MCTP2: variants seen among roughly 807,000 people sequenced by gnomAD.
The protein encoded by MCTP2 is multiple C2 and transmembrane domain-containing protein 2.
In MCTP2, 132 loss-of-function variants were observed where a neutral mutation model predicts 111.6. The ratio of observed to expected loss-of-function variants is 1.18; its 90% CI spans 1.03 to 1.37. The LOEUF is 1.37. Ranked by LOEUF, MCTP2 falls within the 40% of genes most tolerant of loss-of-function variation. MCTP2 has a pLI of 0.00. For synonymous variants in MCTP2, 395 were observed against 387.7 expected, an observed-to-expected ratio of 1.02 and a Z score of -0.22; for missense variants, 1,183 against 1,067.9, an observed-to-expected ratio of 1.11 and a Z score of -1.50.
At chr15:94,244,636 A>G (rs552174318) in intron 1 of MCTP2, among the ~76,000 whole-genome samples, 32 of 146,338 alleles carry the variant, frequency 2.2e-4, no homozygotes, top group Middle Eastern at 7.2e-3. Context: ...ATATGCACCT[A>G]TGTTTATAAA....
chr15:94,434,117 G>A (rs897229522), intron 17 of MCTP2, among the ~76,000 whole-genome samples: 3 of 150,992 alleles, frequency 2.0e-5, no homozygotes, highest in Admixed American at 6.6e-5. Flanking sequence ...TTTTTGTGGT[G>A]GGGGGTTGCT....
chr15:94,244,423 TAC>T (rs2071557908), intron 1 of MCTP2, among the ~76,000 whole-genome samples: 1 of 149,616 alleles, frequency 6.7e-6, no homozygotes, highest in African/African-American at 2.4e-5. Flanking sequence ...TGTATACACA[TAC>T]ATATGCACCT....
intron 17 of MCTP2, among the ~76,000 whole-genome samples, chr15:94,439,789 A>G (rs770660017): frequency 6.6e-6 from 1 of 152,228 alleles, no homozygotes; most frequent in African/African-American, 2.4e-5. Context: ...GGATTTTTCA[A>G]TATTGGCAGC....
intron 10 of MCTP2, among the ~76,000 whole-genome samples, chr15:94,363,724 C>G (rs1037952200): frequency 1.3e-5 from 2 of 151,924 alleles, no homozygotes; most frequent in Non-Finnish European, 2.9e-5. Flanking sequence ...TGCAGTGGAG[C>G]TCCTATTGAT....
At chr15:94,261,775 C>T (rs2073197750) in intron 1 of MCTP2, among the ~76,000 whole-genome samples, 1 of 151,588 alleles carries the variant, frequency 6.6e-6, no homozygotes, top group Admixed American at 6.6e-5. Flanking sequence ...ATTAAGCTAT[C>T]CAAAACCCCT....
At chr15:94,275,456 AAAAATT>A (rs1411771857) in intron 1 of MCTP2, among the ~76,000 whole-genome samples, 1 of 152,208 alleles carries the variant, frequency 6.6e-6, no homozygotes, top group East Asian at 1.9e-4. Context: ...AGTAATAAAG[AAAAATT>A]AAAAATGTCT....
intron 20 of MCTP2, among the ~76,000 whole-genome samples, chr15:94,465,991 T>G (rs950241266): frequency 2.0e-5 from 3 of 152,184 alleles, no homozygotes; most frequent in Admixed American, 2.0e-4. Flanking sequence ...AATACTTTCT[T>G]TGGAAAATCT....
chr15:94,443,255 G>T (rs764194124), intron 19 of MCTP2, among the ~76,000 whole-genome samples: 6 of 152,096 alleles, frequency 3.9e-5, no homozygotes, highest in Non-Finnish European at 8.8e-5. Context: ...ATAGATAAAA[G>T]GTAGCCTGGG....
intron 17 of MCTP2, chr15:94,402,516 A>G: frequency 6.4e-7 from 1 of 1,551,846 alleles, no homozygotes; most frequent in Non-Finnish European, 8.7e-7. Context: ...CCTGTCTATG[A>G]AATGTACCCT....
At chr15:94,441,086 T>A (rs2083756387) in intron 18 of MCTP2, among the ~76,000 whole-genome samples, 1 of 152,202 alleles carries the variant, frequency 6.6e-6, no homozygotes. Flanking sequence ...ACTTGATTAA[T>A]TTTCTTTCTA....
At chr15:94,245,385 TATTTATATACATGTGTGTATA>T (rs2071813088) in intron 1 of MCTP2, among the ~76,000 whole-genome samples, 1 of 50,936 alleles carries the variant, frequency 2.0e-5, no homozygotes, top group Non-Finnish European at 4.8e-5. Flanking sequence ...TATGTATATG[TATTTATATACATGTGTGTATA>T]TATTTATATA....
intron 19 of MCTP2, among the ~76,000 whole-genome samples, chr15:94,446,600 C>T (rs990859142): frequency 6.6e-6 from 1 of 152,174 alleles, no homozygotes; most frequent in South Asian, 2.1e-4. Context: ...TAAATACTTG[C>T]ACTAGAGTTT....
intron 1 of MCTP2, among the ~76,000 whole-genome samples, chr15:94,264,008 C>T (rs1027471565): frequency 4.6e-5 from 7 of 152,182 alleles, no homozygotes; most frequent in Non-Finnish European, 1.0e-4. Context: ...GGCCTAGTTT[C>T]TCTCTCTGGC....
intron 4 of MCTP2, among the ~76,000 whole-genome samples, chr15:94,328,084 G>A (rs2076959990): frequency 1.3e-5 from 2 of 151,768 alleles, no homozygotes; most frequent in African/African-American, 4.8e-5. Flanking sequence ...TTGCTTGATT[G>A]GGGCTTCTCT....
chr15:94,406,035 G>A (rs2081880254), intron 17 of MCTP2, among the ~76,000 whole-genome samples: 1 of 152,080 alleles, frequency 6.6e-6, no homozygotes, highest in South Asian at 2.1e-4. Flanking sequence ...CCTATGAATA[G>A]ATTTGTAAAT....
intron 17 of MCTP2, among the ~76,000 whole-genome samples, chr15:94,437,577 A>G (rs1596708796): frequency 6.6e-6 from 1 of 152,142 alleles, no homozygotes; most frequent in Non-Finnish European, 1.5e-5. Context: ...TCTTTAAATT[A>G]TCAAGACAAT....
chr15:94,455,388 A>AT (rs1483578162), intron 19 of MCTP2, among the ~76,000 whole-genome samples: 4 of 151,940 alleles, frequency 2.6e-5, no homozygotes, highest in Non-Finnish European at 5.9e-5. Flanking sequence ...CATGTACCAC[A>AT]TTTTTGTTGT....
intron 5 of MCTP2, 151 bp downstream of exon 5, chr15:94,339,583 G>T: frequency 2.0e-6 from 1 of 505,224 alleles, no homozygotes; most frequent in Non-Finnish European, 3.3e-6. Flanking sequence ...TATACTGTTT[G>T]TTGAAACTGT....
At chr15:94,294,580 A>T (rs897240690) in intron 1 of MCTP2, among the ~76,000 whole-genome samples, 9 of 152,066 alleles carry the variant, frequency 5.9e-5, no homozygotes, top group African/African-American at 2.2e-4. Context: ...GAAGATAAAC[A>T]TTTTTCCACT....
Sources: gnomAD v4.1 joint callset for allele counts (sites outside exome capture counted in the v4.1 genomes callset) on GRCh38, gnomAD v4.1.1 for gene constraint, MANE v1.5 for transcripts, NCBI Gene and HGNC (gene_info 2026-07-23, HGNC 2026-07-21) for gene names.